The following AGAP1 variants were observed in gnomAD, a reference collection of about 807,000 sequenced individuals.
The protein encoded by AGAP1 is ArfGAP with GTPase domain, ankyrin repeat and PH domain 1, also known as arf-GAP with GTPase, ANK repeat and PH domain-containing protein 1.
Under a neutral mutation model 105.3 loss-of-function variants are expected in AGAP1, and 29 were observed. The observed-to-expected ratio is 0.28, with a 90% CI of 0.21 to 0.38. The LOEUF is 0.38. Ranked by LOEUF, AGAP1 falls within the 10% of genes least tolerant of loss-of-function variation. AGAP1 has a pLI of 1.00. For synonymous variants in AGAP1, 509 were observed against 485.9 expected (o/e 1.05, Z -0.63); for missense variants, 998 against 1,165.1 (o/e 0.86, Z 2.09).
chr2:235,974,433 T>C (rs2054775811), intron 13 of AGAP1, among the ~76,000 whole-genome samples: 1 of 152,238 alleles, frequency 6.6e-6, no homozygotes, highest in South Asian at 2.1e-4. Context: ...TACCCAATCT[T>C]ATTATACAAG....
intron 16 of AGAP1, among the ~76,000 whole-genome samples, chr2:236,118,782 C>G (rs2059832836): frequency 6.6e-6 from 1 of 152,140 alleles, no homozygotes; most frequent in African/African-American, 2.4e-5. Flanking sequence ...TCAAGAGCTA[C>G]TTGTAAAATC....
At chr2:235,780,301 G>A (rs1956178937) in intron 6 of AGAP1, among the ~76,000 whole-genome samples, 1 of 152,168 alleles carries the variant, frequency 6.6e-6, no homozygotes, top group Admixed American at 6.5e-5. Context: ...ATTGGCAGAT[G>A]CAGCAAAATA....
At position 235,867,253 on chromosome 2, in the gene AGAP1, G is replaced by A. The variant is rs1286137729; in HGVS notation, c.1051-16092G>A. ...CTATAAAAGGCTGGAGAGGAGGTAT[G>A]TTAGGCTTCATGGGTCGTGTGGTTT... On this transcript the variant is annotated intron_variant, in intron 9 of 17. Coordinates refer to ENST00000304032, the MANE Select transcript of AGAP1 (RefSeq NM_001037131.3). The surrounding 1 kb of genome is among the most constrained non-coding windows in gnomAD (Gnocchi z 5.4). Among the ~76,000 whole-genome samples, 1 of 152,194 alleles carries A rather than the reference G, an allele frequency of 6.6e-6. No homozygotes were observed. The highest frequency in any genetic ancestry group is 1.9e-4 in the East Asian group (1 of 5,194).
intron 6 of AGAP1, among the ~76,000 whole-genome samples, chr2:235,756,809 C>T (rs983308811): frequency 1.3e-5 from 2 of 152,132 alleles, no homozygotes; most frequent in African/African-American, 4.8e-5. Flanking sequence ...CCTTAGGAGA[C>T]TCTAATGCCT....
At chr2:235,949,931 A>G (rs192001238) in intron 12 of AGAP1, among the ~76,000 whole-genome samples, 6 of 152,280 alleles carry the variant, frequency 3.9e-5, no homozygotes, top group Admixed American at 2.6e-4. Flanking sequence ...CTAGAAAACT[A>G]ACTGGAATTT....
chr2:235,529,903 T>G (rs1018917983), intron 1 of AGAP1, among the ~76,000 whole-genome samples: 1 of 152,108 alleles, frequency 6.6e-6, no homozygotes, highest in Non-Finnish European at 1.5e-5. Context: ...GTGATGAGGA[T>G]GGGATTCAAC....
At chr2:235,508,224 A>G (rs1318997389) in intron 1 of AGAP1, among the ~76,000 whole-genome samples, 5 of 152,220 alleles carry the variant, frequency 3.3e-5, no homozygotes, top group Admixed American at 2.6e-4. Flanking sequence ...GCTATTGTGA[A>G]TAGTGCCACA....
chr2:235,740,948 TTGTG>T lies in AGAP1; in HGVS notation c.311-8_311-5del. On this transcript the variant is annotated splice_polypyrimidine_tract_variant and intron_variant, in intron 3 of 17. Transcript: ENST00000304032. The surrounding 1 kb of genome is among the most constrained non-coding windows in gnomAD (Gnocchi z 5.7). ...TGTTGTTCTCGTGTAACGAGATGTT[TTGTG>T]TGTGTGGCAGGTGGCAGGTTCAAGA... 1 of 1,614,170 alleles carries T rather than the reference TTGTG, an allele frequency of 6.2e-7. No individual in the cohort carries two copies. The highest frequency in any genetic ancestry group is 8.5e-7 in the Non-Finnish European group (1 of 1,179,990).
intron 13 of AGAP1, among the ~76,000 whole-genome samples, chr2:236,010,899 T>C (rs1048812765): frequency 2.6e-5 from 4 of 152,122 alleles, no homozygotes; most frequent in Non-Finnish European, 5.9e-5. Context: ...TACAAAAAAT[T>C]AGTCGGGCGT....
rs1012772538 is a variant in AGAP1, at chr2:236,051,477, C to T, written c.2114+2196C>T. On this transcript the variant is annotated intron_variant, in intron 16 of 17. Transcript: ENST00000304032. This position sits in a 1 kb window ranked among gnomAD's most constrained non-coding sequence, Gnocchi z 5.9. ...GGACTCTGAAATAGGGGGTGATTCC[C>T]AGGGCCAGGGCCAGGGGACCAGGTG... Among the ~76,000 whole-genome samples the T allele has an allele frequency of 4.6e-5, 7 of 151,714 alleles. No homozygotes were observed. Among genetic ancestry groups the T allele is most frequent in the Non-Finnish European group, 8.8e-5 (6 of 67,936 alleles).
chr2:235,827,756 G>T (rs1050360389), intron 9 of AGAP1, among the ~76,000 whole-genome samples: 1 of 152,182 alleles, frequency 6.6e-6, no homozygotes, highest in Non-Finnish European at 1.5e-5. Context: ...AACATAGCTT[G>T]CCCGTACTAA....
At position 235,963,870 on chromosome 2, in the gene AGAP1, G is replaced by A. The variant is rs1009426764; in HGVS notation, c.1484-4592G>A. Among the ~76,000 whole-genome samples the A allele has an allele frequency of 5.9e-5, 9 of 152,184 alleles. No individual in the cohort carries two copies. Among genetic ancestry groups the A allele is most frequent in the African/African-American group, 1.7e-4 (7 of 41,448 alleles). Reference sequence around the variant, plus strand: ...GAGAGCCTAGCGGTAGACCTACCACGCCCCTGTGGAAGCCTGTCGTGTGGA... The same window carrying A: ...GAGAGCCTAGCGGTAGACCTACCACACCCCTGTGGAAGCCTGTCGTGTGGA... On this transcript the variant is annotated intron_variant, in intron 12 of 17. Transcript: ENST00000304032. The surrounding 1 kb of genome is among the most constrained non-coding windows in gnomAD (Gnocchi z 5.1).
intron 1 of AGAP1, among the ~76,000 whole-genome samples, chr2:235,510,613 A>T (rs888730157): frequency 1.3e-5 from 2 of 152,152 alleles, no homozygotes; most frequent in Non-Finnish European, 2.9e-5. Flanking sequence ...ACTTTTATGT[A>T]AACTGCCTGC....
intron 7 of AGAP1, among the ~76,000 whole-genome samples, chr2:235,798,264 T>A (rs1268407635): frequency 6.6e-6 from 1 of 152,210 alleles, no homozygotes; most frequent in East Asian, 1.9e-4. Context: ...AATTTGGTAG[T>A]GGCATTCAAT....
chr2:235,659,660 T>C lies in AGAP1; in HGVS notation c.164-49519T>C, dbSNP rs1371203188. ...TGCCGAGGGCTGTCAGATCCCTGCA[T>C]CAACTCTGGGGATGGGTTCAATTAT... On this transcript the variant is annotated intron_variant, in intron 1 of 17. Transcript: ENST00000304032. The surrounding 1 kb of genome is among the most constrained non-coding windows in gnomAD (Gnocchi z 5.0). Among the ~76,000 whole-genome samples the C allele has an allele frequency of 3.3e-5, 5 of 152,228 alleles. No individual in the cohort carries two copies. Among genetic ancestry groups the C allele is most frequent in the Admixed American group, 6.5e-5 (1 of 15,288 alleles).
rs990064940 is a variant in AGAP1 at position 235,747,566 on chromosome 2, A to C, written c.538+2727A>C. Among the ~76,000 whole-genome samples, 4 of 152,176 alleles carry C rather than the reference A, an allele frequency of 2.6e-5. No homozygotes were observed. Among genetic ancestry groups the C allele is most frequent in the African/African-American group, 9.7e-5 (4 of 41,448 alleles). ...CAGATGAACCAGAACGAAAAGTTGC[A>C]ATCAGGGCTGTATTCCTCACCTGCG... On this transcript the variant is annotated intron_variant, in intron 5 of 17. Coordinates refer to ENST00000304032, the MANE Select transcript of AGAP1 (RefSeq NM_001037131.3). The surrounding 1 kb of genome is among the most constrained non-coding windows in gnomAD (Gnocchi z 5.0).
intron 1 of AGAP1, among the ~76,000 whole-genome samples, chr2:235,676,699 G>A (rs990984758): frequency 3.3e-5 from 5 of 152,176 alleles, no homozygotes; most frequent in South Asian, 2.1e-4. Context: ...AAATATTTTC[G>A]GTATATGGTT....
chr2:236,090,286 G>A lies in AGAP1; in HGVS notation c.2115-29906G>A, dbSNP rs1266373568. 2.6e-5 allele frequency among the ~76,000 whole-genome samples: 4 copies of A among 152,168 alleles called. No homozygotes were observed. Among genetic ancestry groups the A allele is most frequent in the Non-Finnish European group, 4.4e-5 (3 of 68,040 alleles). On this transcript the variant is annotated intron_variant, in intron 16 of 17. Coordinates refer to ENST00000304032, the MANE Select transcript of AGAP1 (RefSeq NM_001037131.3). This position sits in a 1 kb window ranked among gnomAD's most constrained non-coding sequence, Gnocchi z 4.3. ...AACCCTCAGGCGTACCATGCAAAGA[G>A]GACATAGCCACCCTCTTATTTCAAG...
Position 235,741,066 on chromosome 2 carries a change from C to T in AGAP1, c.396+18C>T, listed in dbSNP as rs1211995622. On this transcript the variant is annotated intron_variant, in intron 4 of 17. Coordinates refer to ENST00000304032, the MANE Select transcript of AGAP1 (RefSeq NM_001037131.3). The surrounding 1 kb of genome is among the most constrained non-coding windows in gnomAD (Gnocchi z 4.9). ...AGGCGCAGGTGAGTATACATGCATG[C>T]CCCAAGCCTGCTTTTTTTCCCTTTG... 1.9e-6 allele frequency: 3 copies of T among 1,557,416 alleles called. No homozygotes were observed. Among genetic ancestry groups the T allele is most frequent in the African/African-American group, 1.4e-5 (1 of 73,842 alleles).
Sources: gnomAD v4.1 joint callset for allele counts (sites outside exome capture counted in the v4.1 genomes callset) on GRCh38, gnomAD v4.1.1 for gene constraint, Gnocchi (gnomAD v3.1) non-coding constraint, MANE v1.5 for transcripts, NCBI Gene and HGNC (gene_info 2026-07-23, HGNC 2026-07-21) for gene names.